Variants in CCDC30 observed in about 807,000 individuals in gnomAD.
CCDC30 encodes coiled-coil domain containing 30.
CCDC30 carries 70 observed loss-of-function variants against 100.2 expected under a neutral mutation model. That is an observed-to-expected ratio of 0.70 (90% CI 0.58 to 0.85). CCDC30 has a LOEUF of 0.85. CCDC30 is among the 40% of genes least tolerant of loss of function. The pLI is 0.00. For missense variants in CCDC30, 652 were observed against 771.2 expected (o/e 0.85, Z 1.83); for synonymous variants, 233 against 269.5 (o/e 0.86, Z 1.33).
chr1:42,622,965 C>G (rs1646868982), intron 11 of CCDC30, among the ~76,000 whole-genome samples: 1 of 152,124 alleles, frequency 6.6e-6, no homozygotes, highest in Non-Finnish European at 1.5e-5. Flanking sequence ...TTTTGATTTG[C>G]ATTTCTCTGA....
chr1:42,581,165 T>A (rs944178201), intron 8 of CCDC30, among the ~76,000 whole-genome samples, 195 bp from the exon 13 acceptor site: 2 of 152,184 alleles, frequency 1.3e-5, no homozygotes, highest in Non-Finnish European at 2.9e-5. Flanking sequence ...TATACACACA[T>A]TGAATTATAT....
intron 4 of CCDC30, among the ~76,000 whole-genome samples, chr1:42,496,853 A>G (rs183384411): frequency 6.6e-6 from 1 of 152,288 alleles, no homozygotes; most frequent in African/African-American, 2.4e-5. Flanking sequence ...AAAAAGTCCA[A>G]TTCATTGGTC....
intron 4 of CCDC30, among the ~76,000 whole-genome samples, chr1:42,496,566 C>A (rs1343958449): frequency 6.6e-6 from 1 of 151,960 alleles, no homozygotes; most frequent in Non-Finnish European, 1.5e-5. Flanking sequence ...TCACTTTGAA[C>A]AAAACTATGT....
At chr1:42,570,730 CT>C (rs1645716473) in intron 7 of CCDC30, among the ~76,000 whole-genome samples, 2 of 151,916 alleles carry the variant, frequency 1.3e-5, no homozygotes, top group Non-Finnish European at 2.9e-5. Flanking sequence ...GTATTTATAC[CT>C]TGTGTCTGCC....
chr1:42,641,164 T>C (rs1284610835), intron 12 of CCDC30, among the ~76,000 whole-genome samples: 4 of 151,340 alleles, frequency 2.6e-5, no homozygotes, highest in African/African-American at 9.7e-5. Context: ...CAGGCTAGAG[T>C]GCAGTGGTGT....
At chr1:42,594,511 G>A (rs1485312506) in intron 10 of CCDC30, 2 of 152,060 alleles carry the variant, frequency 1.3e-5, no homozygotes, top group Non-Finnish European at 2.9e-5. Flanking sequence ...GAGACCTCAA[G>A]TGAAAAAAGA....
chr1:42,563,499 C>T (rs369029813), intron 6 of CCDC30, among the ~76,000 whole-genome samples: 15 of 152,104 alleles, frequency 9.9e-5, no homozygotes, highest in South Asian at 4.2e-4. Flanking sequence ...TGGGTCAATA[C>T]GTGCAGCAAG....
chr1:42,490,119 C>A, intron 3 of CCDC30, 39 bp from the exon 4 acceptor site: 1 of 765,068 alleles, frequency 1.3e-6, no homozygotes, highest in South Asian at 6.8e-5. Flanking sequence ...TTATACTAAT[C>A]ATTTGTTCCT....
At position 42,582,754 on chromosome 1, in the gene CCDC30, C is replaced by T. The variant is rs532930396; in HGVS notation, c.1001+1240C>T. Among the ~76,000 whole-genome samples, 9 of 152,304 alleles carry T rather than the reference C, an allele frequency of 5.9e-5. No individual in the cohort carries two copies. The South Asian group carries it at 1.9e-3, about 32-fold the overall frequency. ...GCTGTGACTGGGCCACTTCCTCCTCCTCTTGGTAGCCATTTCTTTGATTAT... is the reference window on the plus strand; with the variant it reads ...GCTGTGACTGGGCCACTTCCTCCTCTTCTTGGTAGCCATTTCTTTGATTAT... On this transcript the variant is annotated intron_variant, in intron 9 of 16. Coordinates refer to ENST00000668663, the Ensembl canonical transcript of CCDC30.
At chr1:42,465,651 C>CA (rs1294165484) in intron 1 of CCDC30, among the ~76,000 whole-genome samples, 6 of 152,292 alleles carry the variant, frequency 3.9e-5, no homozygotes, top group African/African-American at 1.2e-4. Flanking sequence ...AAGTGTGAGC[C>CA]ACGGTACCCG....
chr1:42,466,498 G>A (rs1643587479), intron 1 of CCDC30, among the ~76,000 whole-genome samples: 1 of 151,850 alleles, frequency 6.6e-6, no homozygotes, highest in African/African-American at 2.4e-5. Flanking sequence ...GATTTAATGA[G>A]CATTTACTTA....
At chr1:42,525,952 C>T (rs1644717582) in intron 6 of CCDC30, among the ~76,000 whole-genome samples, 1 of 152,146 alleles carries the variant, frequency 6.6e-6, no homozygotes. Context: ...TTTTGCCCTA[C>T]TCATGTGTGG....
intron 6 of CCDC30, among the ~76,000 whole-genome samples, chr1:42,532,705 C>T (rs371145070): frequency 3.3e-5 from 5 of 152,048 alleles, no homozygotes; most frequent in Non-Finnish European, 5.9e-5. Flanking sequence ...AGGGGGGTGC[C>T]GCCCATATGG....
intron 11 of CCDC30, among the ~76,000 whole-genome samples, chr1:42,633,900 A>G (rs1307402087): frequency 1.3e-5 from 2 of 152,180 alleles, no homozygotes; most frequent in African/African-American, 4.8e-5. Context: ...GAAACTTACA[A>G]TCGTGGCACA....
intron 11 of CCDC30, among the ~76,000 whole-genome samples, chr1:42,635,637 G>C (rs545068063): frequency 2.6e-5 from 4 of 151,706 alleles, no homozygotes; most frequent in African/African-American, 9.7e-5. Flanking sequence ...GTGAAACCCC[G>C]TCTCTACTAA....
intron 6 of CCDC30, among the ~76,000 whole-genome samples, chr1:42,499,719 ATCT>A (rs1338437620): frequency 6.6e-6 from 1 of 151,212 alleles, no homozygotes. Flanking sequence ...GCCTCAGGTA[ATCT>A]TCTTGCCTCC....
At chr1:42,459,996 C>A, upstream of CCDC30, 1 of 1,501,838 alleles carries the variant, frequency 6.7e-7, no homozygotes, top group Non-Finnish European at 8.8e-7. Context: ...CAAAAAAAAC[C>A]ATGGCTTTCA....
intron 5 of CCDC30, 126 bp downstream of exon 5, chr1:42,497,339 A>G (rs1644246434): frequency 2.3e-6 from 1 of 436,268 alleles, no homozygotes. Context: ...TGGCTGTAAT[A>G]TCTCAGGGGG....
intron 8 of CCDC30, chr1:42,580,964 G>T: frequency 2.3e-6 from 1 of 434,078 alleles, no homozygotes; most frequent in Non-Finnish European, 4.6e-6. Context: ...TCAGCTTCCT[G>T]AGTAGCTGGG....
Sources: allele counts gnomAD v4.1 joint callset (sites outside exome capture counted in the v4.1 genomes callset), GRCh38; gene constraint gnomAD v4.1.1; transcripts MANE v1.5; gene names NCBI Gene and HGNC (gene_info 2026-07-23, HGNC 2026-07-21).